The following FAM135B variants were observed in gnomAD, a reference collection of about 807,000 sequenced individuals.
FAM135B encodes protein FAM135B.
Under a neutral mutation model 127.7 loss-of-function variants are expected in FAM135B, and 43 were observed. That is an observed-to-expected ratio of 0.34 (90% CI 0.26 to 0.43). The LOEUF is 0.43. Ranked by LOEUF, FAM135B falls within the 20% of genes least tolerant of loss-of-function variation. The pLI, the probability that FAM135B is intolerant of heterozygous loss-of-function variation, is 1.00. For synonymous variants in FAM135B, 670 were observed against 665.1 expected (o/e 1.01, Z -0.11); for missense variants, 1,558 against 1,725.6 (o/e 0.90, Z 1.72).
chr8:138,380,176 TTTTTC>T (rs1250807300), intron 1 of FAM135B, among the ~76,000 whole-genome samples: 36 of 151,936 alleles, frequency 2.4e-4, no homozygotes, highest in Non-Finnish European at 2.8e-4. Context: ...TTTCTTTCTT[TTTTTC>T]TTTTCTTTTC....
At chr8:138,409,608 G>C (rs1282498147) in intron 1 of FAM135B, among the ~76,000 whole-genome samples, 1 of 152,146 alleles carries the variant, frequency 6.6e-6, no homozygotes, top group Admixed American at 6.5e-5. Context: ...GGGCATGTTG[G>C]CTCATGCCTG....
chr8:138,326,297 T>C (rs765455101), intron 2 of FAM135B, among the ~76,000 whole-genome samples: 9 of 152,122 alleles, frequency 5.9e-5, no homozygotes, highest in Non-Finnish European at 1.0e-4. Context: ...AAAACGAAAG[T>C]TCCTTCTAGA....
chr8:138,410,276 T>G (rs543729740), intron 1 of FAM135B, among the ~76,000 whole-genome samples: 21 of 152,268 alleles, frequency 1.4e-4, no homozygotes, highest in Non-Finnish European at 2.1e-4. Flanking sequence ...CCAAATGCAA[T>G]GCAGTTTGTG....
chr8:138,306,711 T>A (rs543027603), intron 3 of FAM135B, among the ~76,000 whole-genome samples: 1 of 151,970 alleles, frequency 6.6e-6, no homozygotes, highest in African/African-American at 2.4e-5. Context: ...GTCCCCCAAG[T>A]AGCCGGGACT....
At chr8:138,297,991 G>T (rs929755426) in intron 3 of FAM135B, among the ~76,000 whole-genome samples, 20 of 152,170 alleles carry the variant, frequency 1.3e-4, no homozygotes, top group Non-Finnish European at 2.4e-4. Flanking sequence ...CCAGACCCGG[G>T]AGCTGGACCA....
chr8:138,471,787 G>C (rs1186282564), intron 1 of FAM135B, among the ~76,000 whole-genome samples: 2 of 152,130 alleles, frequency 1.3e-5, no homozygotes, highest in African/African-American at 4.8e-5. Context: ...GTATATACCA[G>C]AGAGGAACTT....
At chr8:138,315,632 CACAT>C (rs1440923510) in intron 2 of FAM135B, among the ~76,000 whole-genome samples, 5 of 150,762 alleles carry the variant, frequency 3.3e-5, no homozygotes, top group African/African-American at 1.2e-4. Flanking sequence ...CACACACACA[CACAT>C]ACACATGCAC....
chr8:138,299,201 A>C (rs1825699486), intron 3 of FAM135B, among the ~76,000 whole-genome samples: 1 of 152,096 alleles, frequency 6.6e-6, no homozygotes, highest in Admixed American at 6.5e-5. Flanking sequence ...TAATTATATT[A>C]AAATTTCCCA....
At chr8:138,418,087 G>T (rs1284471817) in intron 1 of FAM135B, among the ~76,000 whole-genome samples, 1 of 152,020 alleles carries the variant, frequency 6.6e-6, no homozygotes, top group East Asian at 1.9e-4. Flanking sequence ...AGATGAAATG[G>T]CTATTTTAAG....
At chr8:138,458,223 T>C (rs1341443044) in intron 1 of FAM135B, among the ~76,000 whole-genome samples, 1 of 152,192 alleles carries the variant, frequency 6.6e-6, no homozygotes, top group Non-Finnish European at 1.5e-5. Context: ...CCATACTAAA[T>C]TACAAGCTCT....
rs762317177 is a variant in FAM135B, at chr8:138,152,614, C to T, written c.1861G>A (p.Gly621Arg). The T allele has an allele frequency of 1.2e-6, 2 of 1,614,092 alleles. No homozygotes were observed. Among genetic ancestry groups the T allele is most frequent in the South Asian group, 2.2e-5 (2 of 91,076 alleles). ...ACCATCTTCCCCTCTTGATCTATTC[C>T]CTTTCCTAGAGTACTTAATTCATGG... Reference protein sequence around the residue: ...TLHELSTLGKGIDQEGKMVLL... With the variant: ...TLHELSTLGKRIDQEGKMVLL... The change falls in exon 13 of 20, where the codon GGA becomes AGA. Residue 621 changes from glycine (G) to arginine (R), a missense_variant. Gly to Arg is a moderately radical substitution (Grantham distance 125). This residue lies in a region of FAM135B where 923 missense variants were observed against 865.3 expected (regional missense o/e 1.07). Transcript: ENST00000395297.
chr8:138,236,366 T>G (rs1820272242), intron 7 of FAM135B, among the ~76,000 whole-genome samples: 1 of 151,186 alleles, frequency 6.6e-6, no homozygotes, highest in Non-Finnish European at 1.5e-5. Flanking sequence ...TAAATGTCCA[T>G]CAATGAATAA....
At chr8:138,253,706 G>A (rs1001388917) in intron 5 of FAM135B, among the ~76,000 whole-genome samples, 3 of 152,118 alleles carry the variant, frequency 2.0e-5, no homozygotes, top group African/African-American at 7.2e-5. Flanking sequence ...CCTCCTGCCT[G>A]CATTGAGAGC....
Position 138,156,478 on chromosome 8 carries a change from A to G in FAM135B, c.1259-3262T>C, listed in dbSNP as rs1475892667. Among the ~76,000 whole-genome samples, 3 of 150,942 alleles carry G rather than the reference A, an allele frequency of 2.0e-5. No individual in the cohort carries two copies. In the Admixed American group the frequency reaches 2.0e-4, roughly 10 times the overall value. On this transcript the variant is annotated intron_variant, in intron 12 of 19. Coordinates refer to ENST00000395297, the MANE Select transcript of FAM135B (RefSeq NM_015912.4). ...AACTGAAGGAGATAGAGACACAAAA[A>G]ACCCTTCAAAAAAATCAACGAATCC...
intron 1 of FAM135B, among the ~76,000 whole-genome samples, chr8:138,470,830 AGG>A (rs1038813997): frequency 7.2e-5 from 11 of 152,184 alleles, no homozygotes; most frequent in African/African-American, 2.7e-4. Flanking sequence ...TAGACAGGCA[AGG>A]GTACTGAAAT....
At chr8:138,397,195 T>C (rs1832900306) in intron 1 of FAM135B, among the ~76,000 whole-genome samples, 1 of 152,160 alleles carries the variant, frequency 6.6e-6, no homozygotes, top group Non-Finnish European at 1.5e-5. Flanking sequence ...ACGAAATGTT[T>C]CACAGAAATC....
At chr8:138,209,324 A>G (rs980213626) in intron 7 of FAM135B, among the ~76,000 whole-genome samples, 2 of 152,200 alleles carry the variant, frequency 1.3e-5, no homozygotes, top group Admixed American at 1.3e-4. Context: ...ACACAGAGGC[A>G]TTTAACACGT....
chr8:138,337,618 C>T (rs1271314962), intron 2 of FAM135B, among the ~76,000 whole-genome samples: 2 of 152,130 alleles, frequency 1.3e-5, no homozygotes, highest in Non-Finnish European at 2.9e-5. Context: ...AAGACACAAA[C>T]AAATGGAAGA....
chr8:138,262,671 C>T (rs1179073188), intron 4 of FAM135B, among the ~76,000 whole-genome samples: 3 of 151,762 alleles, frequency 2.0e-5, no homozygotes, highest in East Asian at 1.9e-4. Flanking sequence ...GAGGCTGAGG[C>T]GGGTGGATCG....
Sources: gnomAD v4.1 joint callset for allele counts (sites outside exome capture counted in the v4.1 genomes callset) on GRCh38, gnomAD v4.1.1 for gene constraint, gnomAD v4.1.1 regional missense constraint, MANE v1.5 for transcripts, NCBI Gene and HGNC (gene_info 2026-07-23, HGNC 2026-07-21) for gene names.